BCAS4: variants seen among roughly 807,000 people sequenced by gnomAD.
BCAS4 encodes breast carcinoma amplified sequence 4.
In BCAS4, 9 loss-of-function variants were observed where a neutral mutation model predicts 15.7. The ratio of observed to expected loss-of-function variants is 0.57; its 90% CI spans 0.34 to 1.00. BCAS4 has a LOEUF of 1.00. BCAS4 is among the 50% of genes least tolerant of loss of function. BCAS4 has a pLI of 0.02. For missense variants in BCAS4, 225 were observed against 239.1 expected, an observed-to-expected ratio of 0.94 and a Z score of 0.39; for synonymous variants, 101 against 99.5, an observed-to-expected ratio of 1.02 and a Z score of -0.09.
chr20:50,854,055 C>T (rs1021253016), intron 4 of BCAS4, among the ~76,000 whole-genome samples: 8 of 152,180 alleles, frequency 5.3e-5, no homozygotes, highest in African/African-American at 1.2e-4. Flanking sequence ...GGTGATGGTA[C>T]GTGGGGACTC....
intron 1 of BCAS4, among the ~76,000 whole-genome samples, chr20:50,812,549 C>T (rs1341316222): frequency 6.6e-6 from 1 of 151,582 alleles, no homozygotes; most frequent in African/African-American, 2.4e-5. Flanking sequence ...AAGCAATTCT[C>T]GTGCCTCAGC....
At chr20:50,855,139 C>CTT (rs1283204950) in intron 4 of BCAS4, among the ~76,000 whole-genome samples, 1 of 152,224 alleles carries the variant, frequency 6.6e-6, no homozygotes, top group Non-Finnish European at 1.5e-5. Flanking sequence ...TCCATTCCAT[C>CTT]TTGACCACTG....
chr20:50,865,962 C>T (rs933737156), intron 4 of BCAS4, among the ~76,000 whole-genome samples: 17 of 152,072 alleles, frequency 1.1e-4, no homozygotes, highest in African/African-American at 2.9e-4. Context: ...ACAGAAAGCC[C>T]GGAGCCAGGA....
chr20:50,869,187 G>C (rs1035470884), intron 4 of BCAS4, among the ~76,000 whole-genome samples: 1 of 152,178 alleles, frequency 6.6e-6, no homozygotes, highest in Admixed American at 6.5e-5. Context: ...TGTGTAGTAG[G>C]CATGGTTGTT....
intron 4 of BCAS4, among the ~76,000 whole-genome samples, chr20:50,873,521 A>T (rs1029649848): frequency 6.6e-6 from 1 of 152,250 alleles, no homozygotes; most frequent in Non-Finnish European, 1.5e-5. Flanking sequence ...CATTTTCTAG[A>T]TATCATGACA....
rs192890658 is a variant in BCAS4 at position 50,815,674 on chromosome 20, C to G, written c.91-2537C>G. Among the ~76,000 whole-genome samples the G allele has an allele frequency of 4.0e-4, 61 of 152,320 alleles. 1 individual carries two copies. The East Asian group carries it at 0.011, about 27-fold the overall frequency. On this transcript the variant is annotated intron_variant, in intron 1 of 4. Transcript: ENST00000371608. ...AAGGTTGCAGAGTTTAAAATTGCAACTTGGTACTATTTATACTCCAGCCTG... is the reference window on the plus strand; with the variant it reads ...AAGGTTGCAGAGTTTAAAATTGCAAGTTGGTACTATTTATACTCCAGCCTG...
At chr20:50,835,390 G>A (rs542526603) in intron 3 of BCAS4, among the ~76,000 whole-genome samples, 13 of 151,856 alleles carry the variant, frequency 8.6e-5, no homozygotes, top group South Asian at 6.3e-4. Context: ...GACTATAGGC[G>A]CCTGCCACCA....
intron 4 of BCAS4, among the ~76,000 whole-genome samples, chr20:50,856,235 C>T (rs2123828999): frequency 6.6e-6 from 1 of 152,318 alleles, no homozygotes; most frequent in East Asian, 1.9e-4. Context: ...AGGTGCAATC[C>T]CTTTGATGCC....
intron 1 of BCAS4, among the ~76,000 whole-genome samples, chr20:50,809,594 T>C (rs2088035812): frequency 6.6e-6 from 1 of 152,152 alleles, no homozygotes; most frequent in African/African-American, 2.4e-5. Flanking sequence ...GAGGGCTCTT[T>C]TTTGGTTCCA....
At chr20:50,814,015 G>A (rs191151348) in intron 1 of BCAS4, among the ~76,000 whole-genome samples, 58 of 152,194 alleles carry the variant, frequency 3.8e-4, no homozygotes, top group African/African-American at 1.2e-3. Flanking sequence ...TGCAGCCTGC[G>A]GGACTCTCAT....
chr20:50,853,263 G>C (rs1372090217), intron 4 of BCAS4, among the ~76,000 whole-genome samples: 4 of 149,462 alleles, frequency 2.7e-5, no homozygotes, highest in Non-Finnish European at 5.9e-5. Context: ...TCCTGCCTCA[G>C]CTTCCCAAGT....
chr20:50,795,391 C>T (rs2087841928), intron 1 of BCAS4, among the ~76,000 whole-genome samples: 1 of 152,166 alleles, frequency 6.6e-6, no homozygotes, highest in Non-Finnish European at 1.5e-5. Flanking sequence ...GAGGCCCAGG[C>T]TCGCTTTCCC....
chr20:50,866,932 G>A (rs898574597), intron 4 of BCAS4, among the ~76,000 whole-genome samples: 1 of 152,126 alleles, frequency 6.6e-6, no homozygotes, highest in African/African-American at 2.4e-5. Context: ...AGGTCCCATC[G>A]CGGGCCGGGC....
chr20:50,843,112 A>G (rs1037876758), intron 4 of BCAS4, among the ~76,000 whole-genome samples: 3 of 152,086 alleles, frequency 2.0e-5, no homozygotes, highest in Non-Finnish European at 4.4e-5. Flanking sequence ...GGCACGCACC[A>G]TCACACCTGG....
chr20:50,841,922 G>A, intron 4 of BCAS4, 22 bp downstream of exon 4: 2 of 1,541,330 alleles, frequency 1.3e-6, no homozygotes, highest in Non-Finnish European at 1.7e-6. Flanking sequence ...GCCCCGAGAA[G>A]TGAGGGGAGG....
chr20:50,829,029 G>A (rs2123789826), intron 2 of BCAS4, among the ~76,000 whole-genome samples: 1 of 152,298 alleles, frequency 6.6e-6, no homozygotes, highest in Admixed American at 6.5e-5. Context: ...AGGTCACAGA[G>A]CTCATGGTGG....
intron 1 of BCAS4, among the ~76,000 whole-genome samples, chr20:50,811,010 G>A (rs1030126619): frequency 1.3e-5 from 2 of 152,168 alleles, no homozygotes; most frequent in African/African-American, 4.8e-5. Flanking sequence ...AGAAATATTT[G>A]AGCAAAAGCT....
chr20:50,818,373 G>T, intron 2 of BCAS4, 91 bp downstream of exon 2: 1 of 1,301,936 alleles, frequency 7.7e-7, no homozygotes. Flanking sequence ...TTGGTGGTGA[G>T]TTAGCAACCA....
intron 4 of BCAS4, among the ~76,000 whole-genome samples, chr20:50,849,771 T>C (rs1430693066): frequency 1.3e-5 from 2 of 152,340 alleles, no homozygotes; most frequent in East Asian, 1.9e-4. Context: ...TGTTGTTTTT[T>C]GTTTTATGAA....
Sources: gnomAD v4.1 joint callset for allele counts (sites outside exome capture counted in the v4.1 genomes callset) on GRCh38, gnomAD v4.1.1 for gene constraint, MANE v1.5 for transcripts, NCBI Gene and HGNC (gene_info 2026-07-23, HGNC 2026-07-21) for gene names.